Variants in ARK2N observed in about 807,000 individuals in gnomAD.
ARK2N encodes the protein arkadia (RNF111) N-terminal like PKA signaling regulator 2N.
At chr18:46,223,965 G>A in the ARK2N span, among the ~76,000 whole-genome samples, 1 of 152,144 alleles carries the variant, frequency 6.6e-6, no homozygotes, top group Non-Finnish European at 1.5e-5. Context: ...CCCTTAGAAT[G>A]AAGAGTTCAA....
At chr18:46,224,628 T>C in the ARK2N span, among the ~76,000 whole-genome samples, 14 of 147,052 alleles carry the variant, frequency 9.5e-5, no homozygotes, top group Non-Finnish European at 1.9e-4. Flanking sequence ...CCAGTTCTTA[T>C]TGTTCAGCAA....
At chr18:46,218,057 G>A in the ARK2N span, 108,291 of 152,030 alleles carry the variant, frequency 0.71, 38,814 homozygotes, top group Middle Eastern at 0.77. Context: ...CACTTACTAA[G>A]CAGGATTTTA....
chr18:46,201,216 CAAGAGAT>C, the ARK2N span, among the ~76,000 whole-genome samples: 3 of 152,098 alleles, frequency 2.0e-5, no homozygotes, highest in South Asian at 6.2e-4. Flanking sequence ...CTCTTGAGCT[CAAGAGAT>C]CCTTCCTTAC....
chr18:46,249,014 T>C, the ARK2N span, among the ~76,000 whole-genome samples: 4 of 152,204 alleles, frequency 2.6e-5, no homozygotes, highest in African/African-American at 9.7e-5. Flanking sequence ...AGCTGTCCTT[T>C]GCCAATGTCA....
At chr18:46,176,856 A>G in the ARK2N span, among the ~76,000 whole-genome samples, 7 of 152,100 alleles carry the variant, frequency 4.6e-5, no homozygotes, top group Admixed American at 1.3e-4. Context: ...ACCTCAGGCA[A>G]TCTGCCTGCC....
the ARK2N span, among the ~76,000 whole-genome samples, chr18:46,254,889 G>A: frequency 2.0e-5 from 3 of 149,830 alleles, no homozygotes; most frequent in Non-Finnish European, 3.0e-5. Flanking sequence ...CTCCCCTGCC[G>A]CACATGCACA....
At chr18:46,207,093 G>A in the ARK2N span, among the ~76,000 whole-genome samples, 1 of 152,110 alleles carries the variant, frequency 6.6e-6, no homozygotes, top group African/African-American at 2.4e-5. Flanking sequence ...ACTGATTTCA[G>A]TGTACACATA....
At chr18:46,191,083 C>T in the ARK2N span, among the ~76,000 whole-genome samples, 1 of 152,018 alleles carries the variant, frequency 6.6e-6, no homozygotes, top group African/African-American at 2.4e-5. Context: ...CTGTGTACTG[C>T]TTTTGGGCTT....
the ARK2N span, chr18:46,174,280 C>G: frequency 2.0e-5 from 3 of 152,414 alleles, no homozygotes; most frequent in East Asian, 1.9e-4. Flanking sequence ...CGTGCCCCGA[C>G]GGGGCGCGCG....
the ARK2N span, among the ~76,000 whole-genome samples, chr18:46,202,380 C>T: frequency 1.3e-5 from 2 of 152,158 alleles, no homozygotes; most frequent in Non-Finnish European, 2.9e-5. Context: ...AGGCATTCAA[C>T]ATAGGAAAGG....
At chr18:46,232,576 CAG>C in the ARK2N span, 4 of 152,138 alleles carry the variant, frequency 2.6e-5, no homozygotes, top group Admixed American at 6.5e-5. Flanking sequence ...TTGTAAGTAA[CAG>C]GGAATAACTT....
At chr18:46,209,161 C>G in the ARK2N span, among the ~76,000 whole-genome samples, 29 of 151,994 alleles carry the variant, frequency 1.9e-4, no homozygotes, top group African/African-American at 6.5e-4. Flanking sequence ...CATTTTCCCT[C>G]TTAAGTTTGT....
the ARK2N span, among the ~76,000 whole-genome samples, chr18:46,203,473 G>A: frequency 6.6e-6 from 1 of 152,192 alleles, no homozygotes; most frequent in Non-Finnish European, 1.5e-5. Flanking sequence ...GGACATGAGG[G>A]ATGCTTCTGG....
the ARK2N span, among the ~76,000 whole-genome samples, chr18:46,255,870 C>A: frequency 6.6e-6 from 1 of 151,440 alleles, no homozygotes; most frequent in Non-Finnish European, 1.5e-5. Context: ...CTATTAAATT[C>A]TCTTCCTTTT....
At chr18:46,263,085 G>A in the ARK2N span, 1 of 1,613,892 alleles carries the variant, frequency 6.2e-7, no homozygotes, top group East Asian at 2.2e-5. Flanking sequence ...ACCTTACCTT[G>A]GATGAGGATA....
At chr18:46,200,200 C>CTA in the ARK2N span, among the ~76,000 whole-genome samples, 2 of 152,118 alleles carry the variant, frequency 1.3e-5, no homozygotes, top group Non-Finnish European at 2.9e-5. Flanking sequence ...TGCTATCTAT[C>CTA]TAATCAATCA....
the ARK2N span, chr18:46,265,405 T>C: frequency 6.6e-6 from 1 of 152,502 alleles, no homozygotes. Context: ...ATAGTCATCC[T>C]CTACAGAGTT....
the ARK2N span, chr18:46,228,832 A>G: frequency 2.5e-6 from 1 of 398,590 alleles, no homozygotes; most frequent in Non-Finnish European, 4.4e-6. Context: ...TGGCCTCTCA[A>G]AGTGCTGAGA....
chr18:46,174,435 C>T, the ARK2N span: 5 of 152,064 alleles, frequency 3.3e-5, no homozygotes, highest in African/African-American at 1.2e-4. Context: ...GGCTGCGGGC[C>T]GCGGTGAGGG....
Sources: allele counts gnomAD v4.1 joint callset (sites outside exome capture counted in the v4.1 genomes callset), GRCh38; gene constraint gnomAD v4.1.1; transcripts MANE v1.5; gene names NCBI Gene and HGNC (gene_info 2026-07-23, HGNC 2026-07-21).